The following DEUP1 variants were observed in gnomAD, a reference collection of about 807,000 sequenced individuals.
DEUP1 encodes coiled-coil domain containing 67.
A neutral mutation model predicts 87.4 loss-of-function variants in DEUP1; 82 were observed. The observed-to-expected ratio is 0.94, with a 90% confidence interval of 0.78 to 1.13. The LOEUF (loss-of-function observed/expected upper bound fraction) is 1.13. DEUP1 is among the 50% of genes most tolerant of loss of function. The pLI is 0.00. For missense variants in DEUP1, 663 were observed against 681.5 expected, an observed-to-expected ratio of 0.97 and a Z score of 0.30; for synonymous variants, 214 against 222.7, an observed-to-expected ratio of 0.96 and a Z score of 0.35.
intron 13 of DEUP1, among the ~76,000 whole-genome samples, chr11:93,418,214 C>G (rs1463579069): frequency 6.6e-6 from 1 of 151,980 alleles, no homozygotes; most frequent in African/African-American, 2.4e-5. Context: ...TTCTGCACAG[C>G]AAAAGAAACT....
At chr11:93,427,336 C>A (rs1257288461) in intron 13 of DEUP1, among the ~76,000 whole-genome samples, 1 of 151,958 alleles carries the variant, frequency 6.6e-6, no homozygotes, top group African/African-American at 2.4e-5. Context: ...CTACAACCAT[C>A]TGATCTTTGA....
Position 93,332,289 on chromosome 11 carries a change from G to T in DEUP1, c.29+1G>T. The T allele has an allele frequency of 1.2e-6, 2 of 1,606,600 alleles. No homozygotes were observed. The highest frequency in any genetic ancestry group is 1.1e-5 in the South Asian group (1 of 89,216). ...AGAACCAAGCCCATAATACGATGGGGTAAGTGCTGAGAAATTTCTGTTTAA... is the reference window on the plus strand; with the variant it reads ...AGAACCAAGCCCATAATACGATGGGTTAAGTGCTGAGAAATTTCTGTTTAA... On this transcript the variant is annotated splice_donor_variant, in intron 2 of 13. Coordinates refer to ENST00000298050, the MANE Select transcript of DEUP1 (RefSeq NM_181645.4). LOFTEE classifies it high-confidence loss of function.
rs1412231485 is a variant in DEUP1, at chr11:93,415,076, A to C, written c.1600A>C (p.Thr534Pro). ...TTCGACATTTCAAGCCAAAGAAATG[A>C]CAAGTCCTTTGGTTAGTGATGATGA... is the stretch of plus-strand genomic sequence containing the variant. ...PPSTFQAKEMTSPLVSDDDVF... is the reference protein window; with the variant it reads ...PPSTFQAKEMPSPLVSDDDVF... The change falls in exon 13 of 14, where the codon ACA becomes CCA. Residue 534 changes from threonine to proline, a missense_variant. Physicochemically the swap from Thr to Pro is conservative, Grantham distance 38 (BLOSUM62 -1). Transcript: ENST00000298050. 4.3e-6 allele frequency: 7 copies of C among 1,610,010 alleles called. No homozygotes were observed. Among genetic ancestry groups the C allele is most frequent in the Non-Finnish European group, 5.9e-6 (7 of 1,178,488 alleles).
Position 93,376,209 on chromosome 11 carries a change from G to A in DEUP1, c.789+4929G>A, listed in dbSNP as rs185105425. Among the ~76,000 whole-genome samples the A allele has an allele frequency of 3.2e-3, 486 of 152,226 alleles. 3 individuals carry two copies. The highest frequency in any genetic ancestry group is 0.011 in the African/African-American group (459 of 41,534). On this transcript the variant is annotated intron_variant, in intron 7 of 13. Coordinates refer to ENST00000298050, the MANE Select transcript of DEUP1 (RefSeq NM_181645.4). ...TCTGCCCGCCTTGGCCTGCCAAAGC[G>A]CTGGCATTACAGGCATGAGCCACTG...
intron 12 of DEUP1, among the ~76,000 whole-genome samples, chr11:93,412,616 A>G (rs559825927): frequency 6.6e-6 from 1 of 152,332 alleles, no homozygotes; most frequent in African/African-American, 2.4e-5. Context: ...GATAACTAAG[A>G]TAATTATTTA....
At chr11:93,414,680 C>T (rs1264313961) in intron 12 of DEUP1, among the ~76,000 whole-genome samples, 1 of 152,096 alleles carries the variant, frequency 6.6e-6, no homozygotes, top group African/African-American at 2.4e-5. Context: ...TTTTCTCAAA[C>T]TGCTTTACAT....
At chr11:93,336,360 G>A (rs1246031222) in intron 2 of DEUP1, among the ~76,000 whole-genome samples, 3 of 151,740 alleles carry the variant, frequency 2.0e-5, no homozygotes, top group African/African-American at 7.3e-5. Context: ...CCAACACTGG[G>A]AATTACAATT....
Position 93,387,317 on chromosome 11 carries a change from T to C in DEUP1, c.936-1703T>C, listed in dbSNP as rs1327445644. ...ATTTAGACTGTTGCTTCTTTGTAGT[T>C]GTATCAAAGTGAAATACCCCAGACT... On this transcript the variant is annotated intron_variant, in intron 8 of 13. Transcript: ENST00000298050. 3.3e-5 allele frequency among the ~76,000 whole-genome samples: 5 copies of C among 152,294 alleles called. No individual in the cohort carries two copies. The East Asian group carries it at 9.6e-4, about 29-fold the overall frequency.
At chr11:93,374,510 A>T (rs1246673415) in intron 7 of DEUP1, among the ~76,000 whole-genome samples, 1 of 152,152 alleles carries the variant, frequency 6.6e-6, no homozygotes, top group Non-Finnish European at 1.5e-5. Context: ...CTTGCCAATT[A>T]TTCCAACACC....
At chr11:93,341,531 CAGTG>C (rs1216253006) in intron 2 of DEUP1, among the ~76,000 whole-genome samples, 1 of 152,096 alleles carries the variant, frequency 6.6e-6, no homozygotes, top group Non-Finnish European at 1.5e-5. Flanking sequence ...AGTCTTTAGA[CAGTG>C]AGGTTACTAT....
At position 93,394,496 on chromosome 11, in the gene DEUP1, ACT is replaced by A. The variant is rs759704755; in HGVS notation, c.1082_1083del (p.Ser361Ter). On this transcript the variant is annotated frameshift_variant, in exon 10 of 14. Transcript: ENST00000298050. LOFTEE classifies it high-confidence loss of function. ...CTCCAACAGGTGGAAGAGTACCATA[ACT>A]CTGAGCAGGAAAGAATGAGGAATGA... The A allele has an allele frequency of 1.4e-4, 217 of 1,602,358 alleles. No individual in the cohort carries two copies. Among genetic ancestry groups the A allele is most frequent in the Non-Finnish European group, 1.8e-4 (212 of 1,174,450 alleles).
chr11:93,395,888 T>G (rs1204551334), intron 10 of DEUP1, among the ~76,000 whole-genome samples: 1 of 152,158 alleles, frequency 6.6e-6, no homozygotes, highest in Admixed American at 6.5e-5. Context: ...TTGAATAAAT[T>G]TAATGGACAG....
chr11:93,436,789 T>A (rs1222138780), intron 13 of DEUP1, among the ~76,000 whole-genome samples: 1 of 152,130 alleles, frequency 6.6e-6, no homozygotes, highest in Non-Finnish European at 1.5e-5. Flanking sequence ...AAGTACAGAT[T>A]TCCCCAACAA....
chr11:93,414,003 C>T (rs1276216045), intron 12 of DEUP1, among the ~76,000 whole-genome samples: 1 of 152,114 alleles, frequency 6.6e-6, no homozygotes, highest in Admixed American at 6.6e-5. Context: ...CTTTACTAAA[C>T]ATTTACTATG....
rs1379502301 is a variant in DEUP1, at chr11:93,434,348, TG to T, written c.1639-3191del. ...CTGTTGATCCAGGTGGCTTTTCTTT[TG>T]GGGTGAGCCCCTAATGTCCATGCCC... is the stretch of plus-strand genomic sequence containing the variant. On this transcript the variant is annotated intron_variant, in intron 13 of 13. Transcript: ENST00000298050. Among the ~76,000 whole-genome samples the T allele has an allele frequency of 2.0e-5, 3 of 152,204 alleles. No individual in the cohort carries two copies. In the East Asian group the frequency reaches 5.8e-4, roughly 29 times the overall value.
intron 4 of DEUP1, among the ~76,000 whole-genome samples, chr11:93,360,442 TG>T: frequency 6.6e-6 from 1 of 152,190 alleles, no homozygotes; most frequent in Middle Eastern, 3.4e-3. Context: ...GATCTCAACT[TG>T]AATAAGAAAA....
intron 2 of DEUP1, among the ~76,000 whole-genome samples, chr11:93,351,690 A>G (rs1944635331): frequency 6.6e-6 from 1 of 152,222 alleles, no homozygotes; most frequent in African/African-American, 2.4e-5. Flanking sequence ...GATTTATTTT[A>G]GGTTTTAAGT....
At chr11:93,419,873 A>G (rs1311202186) in intron 13 of DEUP1, among the ~76,000 whole-genome samples, 1 of 134,430 alleles carries the variant, frequency 7.4e-6, no homozygotes, top group East Asian at 2.1e-4. Flanking sequence ...AAAATAAAAT[A>G]AAATAAAAAT....
intron 13 of DEUP1, among the ~76,000 whole-genome samples, chr11:93,417,270 T>A (rs1249453035): frequency 6.7e-6 from 1 of 150,262 alleles, no homozygotes; most frequent in African/African-American, 2.5e-5. Context: ...TGATTGTATA[T>A]CGAGAAAACC....
Sources: allele counts gnomAD v4.1 joint callset (sites outside exome capture counted in the v4.1 genomes callset), GRCh38; gene constraint gnomAD v4.1.1; transcripts MANE v1.5; gene names NCBI Gene and HGNC (gene_info 2026-07-23, HGNC 2026-07-21).